PTCH2: variants seen among roughly 807,000 people sequenced by gnomAD.
PTCH2 encodes the protein patched 2, also known as protein patched homolog 2.
In PTCH2, 96 loss-of-function variants were observed where a neutral mutation model predicts 117.9. The ratio of observed to expected loss-of-function variants is 0.81; its 90% confidence interval spans 0.69 to 0.96. The LOEUF is 0.96. Ranked by LOEUF, PTCH2 falls within the 50% of genes least tolerant of loss-of-function variation. PTCH2 has a pLI of 0.00. For missense variants in PTCH2, 1,379 were observed against 1,562.5 expected, an observed-to-expected ratio of 0.88 and a Z score of 1.98; for synonymous variants, 615 against 660.9, an observed-to-expected ratio of 0.93 and a Z score of 1.06.
chr1:44,820,523 A>G (rs1652869877), downstream of PTCH2: 1 of 679,958 alleles, frequency 1.5e-6, no homozygotes. Context: ...ATCCGATCCA[A>G]TTCACCTCGA....
rs201324841 is a variant in PTCH2 at position 44,826,645 on chromosome 1, G to C, written c.2819C>G (p.Ala940Gly). The change falls in exon 18 of 22, where the codon GCT becomes GGT. Residue 940 changes from alanine (A) to glycine (G), a missense_variant. Physicochemically the swap from Ala to Gly is moderately conservative, Grantham distance 60. Coordinates refer to ENST00000372192, the MANE Select transcript of PTCH2 (RefSeq NM_003738.5). The surrounding 1 kb of genome is among the most constrained non-coding windows in gnomAD (Gnocchi z 5.1). ...ARAACAEAGQ[A>G]GVHAYPSGSP... ...GCCGCTGGGGTAGGCGTGCACCCCA[G>C]CCTGGCCGGCCTCTGCGCATGCTGC... 1 of 1,612,190 alleles carries C rather than the reference G, an allele frequency of 6.2e-7. No homozygotes were observed. Among genetic ancestry groups the C allele is most frequent in the African/African-American group, 1.3e-5 (1 of 74,926 alleles).
rs1256031023 is a variant in PTCH2 at position 44,822,654 on chromosome 1, T to C, written c.3373A>G (p.Lys1125Glu). ...GPPPEVIQMYKESPEILSPPA... is the reference protein window; with the variant it reads ...GPPPEVIQMYEESPEILSPPA... ...GGACTCAGGATCTCTGGGCTTTCCT[T>C]GTACATCTGTATCACCTGTGGGGAG... The change falls in exon 22 of 22, where the codon AAG becomes GAG. Residue 1125 changes from lysine (K) to glutamate (E), a missense_variant. Lys to Glu is a moderately conservative substitution (Grantham distance 56, BLOSUM62 1). Coordinates refer to ENST00000372192, the MANE Select transcript of PTCH2 (RefSeq NM_003738.5). 4 of 1,613,822 alleles carry C rather than the reference T, an allele frequency of 2.5e-6. No individual in the cohort carries two copies. The highest frequency in any genetic ancestry group is 3.4e-6 in the Non-Finnish European group (4 of 1,179,862).
At position 44,841,932 on chromosome 1, in the gene PTCH2, A is replaced by C. The variant is rs200037326; in HGVS notation, c.180T>G (p.Phe60Leu). 6.2e-7 allele frequency: 1 copy of C among 1,614,248 alleles called. No homozygotes were observed. The highest frequency in any genetic ancestry group is 2.2e-5 in the East Asian group (1 of 44,890). The stretch of plus-strand genomic sequence containing the variant: ...GGGCCCCAAAGGCCAACAGTCCCAG[A>C]AAGAGCACTTTGCCACAATGTCTCT... The part of the protein sequence containing the change: ...GIQRHCGKVL[F>L]LGLLAFGALA... Residue 60 changes from phenylalanine to leucine, a missense_variant, in exon 2 of 22, where the codon TTT becomes TTG. Physicochemically the swap from Phe to Leu is conservative, Grantham distance 22. Coordinates refer to ENST00000372192, the MANE Select transcript of PTCH2 (RefSeq NM_003738.5).
chr1:44,822,582 GGGA>G lies in PTCH2; in HGVS notation c.3442_3444del (p.Ser1148del). 1.2e-6 allele frequency: 2 copies of G among 1,614,076 alleles called. No individual in the cohort carries two copies. Among genetic ancestry groups the G allele is most frequent in the African/African-American group, 2.7e-5 (2 of 75,034 alleles). Reference sequence around the variant, plus strand: ...GTCACTCTGGCAAAGCTCTGGGGCAGGGAGGAGGATGCCCCCCACCTAAGCCCG... The same window carrying G: ...GTCACTCTGGCAAAGCTCTGGGGCAGGGAGGATGCCCCCCACCTAAGCCCG... On this transcript the variant is annotated inframe_deletion, in exon 22 of 22. Coordinates refer to ENST00000372192, the MANE Select transcript of PTCH2 (RefSeq NM_003738.5).
In PTCH2 at chr1:44,827,312, G is replaced by A. The variant is rs1419396660; in HGVS notation, c.2372-3C>T. Reference sequence around the variant, plus strand: ...CTGGTCAAAGGCAGCCTGGATTCCTGGGGGAGACCAGGATAGGGTTCTATT... The same window carrying A: ...CTGGTCAAAGGCAGCCTGGATTCCTAGGGGAGACCAGGATAGGGTTCTATT... On this transcript the variant is annotated splice_region_variant and splice_polypyrimidine_tract_variant and intron_variant, in intron 15 of 21. Transcript: ENST00000372192. The A allele has an allele frequency of 1.2e-6, 2 of 1,613,654 alleles. No homozygotes were observed. The highest frequency in any genetic ancestry group is 1.7e-5 in the Admixed American group (1 of 60,006).
At chr1:44,841,140 G>T (rs1653928279) in intron 2 of PTCH2, among the ~76,000 whole-genome samples, 1 of 151,938 alleles carries the variant, frequency 6.6e-6, no homozygotes, top group East Asian at 1.9e-4. Context: ...CTGCACTCCA[G>T]CCTGGGTGAC....
rs537880599 is a variant in PTCH2, at chr1:44,824,489, G to A, written c.3115-1104C>T. 2.1e-4 allele frequency among the ~76,000 whole-genome samples: 25 copies of A among 116,636 alleles called. No homozygotes were observed. The South Asian group carries it at 5.3e-3, about 25-fold the overall frequency. 76.5% of individuals were successfully genotyped at this position (116,636 alleles called of 152,430 possible). The stretch of plus-strand genomic sequence containing the variant: ...TCCATTAAGCCCACATTGCCATCCC[G>A]CTACCATCCCATTTTTTTTTTTTTT... On this transcript the variant is annotated intron_variant, in intron 19 of 21. Coordinates refer to ENST00000372192, the MANE Select transcript of PTCH2 (RefSeq NM_003738.5).
Position 44,842,877 on chromosome 1 carries a change from C to G in PTCH2, c.56G>C (p.Arg19Pro). The G allele has an allele frequency of 6.4e-7, 1 of 1,550,836 alleles. No homozygotes were observed. ...ELPPSYTPPA[R>P]TAAPQILAGS... The stretch of plus-strand genomic sequence containing the variant: ...TCTACTCACCTGGGGTGCTGCGGTT[C>G]GAGCTGGGGGTGTGTAACTCGGGGG... The change falls in exon 1 of 22, where the codon CGA (arginine) becomes CCA (proline). Residue 19 changes from arginine (R) to proline (P), a missense_variant. By Grantham distance (103) the Arg-to-Pro change is moderately radical. Coordinates refer to ENST00000372192, the MANE Select transcript of PTCH2 (RefSeq NM_003738.5).
chr1:44,833,592 A>G (rs1478261547), intron 2 of PTCH2, among the ~76,000 whole-genome samples: 1 of 150,700 alleles, frequency 6.6e-6, no homozygotes, highest in Non-Finnish European at 1.5e-5. Flanking sequence ...ACCCGCCACC[A>G]GGCCTGGCTA....
chr1:44,823,009 C>G lies in PTCH2; in HGVS notation c.3357+60G>C. 3.9e-6 allele frequency: 6 copies of G among 1,553,910 alleles called. No homozygotes were observed. Among genetic ancestry groups the G allele is most frequent in the Non-Finnish European group, 5.3e-6 (6 of 1,139,850 alleles). On this transcript the variant is annotated intron_variant, in intron 21 of 21. Coordinates refer to ENST00000372192, the MANE Select transcript of PTCH2 (RefSeq NM_003738.5). The surrounding 1 kb of genome is among the most constrained non-coding windows in gnomAD (Gnocchi z 5.1). ...CCACAGGGCTCTGTCCCTTCCCTTG[C>G]CTCTCCCTACCCCGTCCCTTGGGCT...
rs760548568 is a variant in PTCH2, at chr1:44,827,883, C to A, written c.2018G>T (p.Arg673Leu). 6.0e-5 allele frequency: 97 copies of A among 1,614,032 alleles called. No individual in the cohort carries two copies. The East Asian group carries it at 1.7e-3, about 29-fold the overall frequency. ...GAGCAGCAACGGGGCAAACTGATAG[C>A]GGGCGAAATGGGCAAGATTCCAGCG... ...CARWNLAHFARYQFAPLLLQS... is the reference protein window; with the variant it reads ...CARWNLAHFALYQFAPLLLQS... The change falls in exon 14 of 22, where the codon CGC becomes CTC. Residue 673 changes from arginine (R) to leucine (L), a missense_variant. Transcript: ENST00000372192.
At chr1:44,833,007 G>T (rs1212820972) in intron 2 of PTCH2, among the ~76,000 whole-genome samples, 2 of 152,168 alleles carry the variant, frequency 1.3e-5, no homozygotes, top group African/African-American at 4.8e-5. Context: ...AAAGTGCATG[G>T]AATCAGCTCA....
In PTCH2 at chr1:44,826,271, C is replaced by T; in HGVS notation, c.3093G>A (p.Glu1031=). ...TCACCAGAGCCACGTGGACTGTGAA[C>T]TCAACGCCAATGCCTACAGAGGCCA... ...ILVASVGIGV[E]FTVHVALGFL... Residue 1031 remains glutamate (E), a synonymous_variant, in exon 19 of 22, where the codon GAG becomes GAA. Transcript: ENST00000372192. This position sits in a 1 kb window ranked among gnomAD's most constrained non-coding sequence, Gnocchi z 5.1. The T allele has an allele frequency of 1.2e-6, 2 of 1,614,106 alleles. No individual in the cohort carries two copies. The highest frequency in any genetic ancestry group is 1.1e-5 in the South Asian group (1 of 91,088).
chr1:44,823,173 G>GTACTA lies in PTCH2; in HGVS notation c.3258-6_3258-5insTAGTA, dbSNP rs778600267. 6 of 1,614,028 alleles carry GTACTA rather than the reference G, an allele frequency of 3.7e-6. No homozygotes were observed. On this transcript the variant is annotated splice_polypyrimidine_tract_variant and splice_region_variant and intron_variant, in intron 20 of 21. Coordinates refer to ENST00000372192, the MANE Select transcript of PTCH2 (RefSeq NM_003738.5). The surrounding 1 kb of genome is among the most constrained non-coding windows in gnomAD (Gnocchi z 5.1). ...GTCAGCGCCGCAAAGAAGTACCTAGGGGTAGGGTGTGGGGGGAGTCAGCCC... is the reference window on the plus strand; with the variant it reads ...GTCAGCGCCGCAAAGAAGTACCTAGGTACTAGGTAGGGTGTGGGGGGAGTCAGCCC...
At chr1:44,842,729 G>C in intron 1 of PTCH2, 132 bp downstream of exon 1, 1 of 873,348 alleles carries the variant, frequency 1.1e-6, no homozygotes, top group Non-Finnish European at 1.8e-6. Context: ...CAACTTGCTT[G>C]CGGTGCTGGC....
In PTCH2 at chr1:44,828,613, GAC is replaced by G; in HGVS notation, c.1481_1482del (p.Cys494SerfsTer69). The G allele has an allele frequency of 6.2e-7, 1 of 1,613,246 alleles. No homozygotes were observed. The highest frequency in any genetic ancestry group is 1.7e-5 in the Admixed American group (1 of 59,920). On this transcript the variant is annotated frameshift_variant, in exon 12 of 22. Transcript: ENST00000372192. LOFTEE classifies it high-confidence loss of function. ...GTPLQERMGE[C>X]LQRTGTSVVL... ...ACGACACTGGTGCCCGTGCGCTGCA[GAC>G]ACTCGCCCATGCGCTCCTGCCAGGA...
chr1:44,823,090 G>T lies in PTCH2; in HGVS notation c.3336C>A (p.Ser1112=). The change falls in exon 21 of 22, where the codon TCC becomes TCA. Residue 1112 remains serine, a synonymous_variant. Transcript: ENST00000372192. The surrounding 1 kb of genome is among the most constrained non-coding windows in gnomAD (Gnocchi z 5.1). ...TCACCTCTGGCGGCGGGCCCAGGAT[G>T]GACAGCAGCACAGGCAGCAGCACGA... The part of the protein sequence containing the change: ...HGLVLLPVLL[S]ILGPPPEVIQ... 6.2e-7 allele frequency: 1 copy of T among 1,613,678 alleles called. No homozygotes were observed. Among genetic ancestry groups the T allele is most frequent in the East Asian group, 2.2e-5 (1 of 44,868 alleles).
In PTCH2 at chr1:44,823,936, TCAAACAAACAAA is replaced by T. The variant is rs35297741; in HGVS notation, c.3115-563_3115-552del. Among the ~76,000 whole-genome samples, 6 of 151,344 alleles carry T rather than the reference TCAAACAAACAAA, an allele frequency of 4.0e-5. No homozygotes were observed. Among genetic ancestry groups the T allele is most frequent in the South Asian group, 2.1e-4 (1 of 4,796 alleles). ...CTGGGCGACAGAGTGAGACCCTGTTTCAAACAAACAAACAAACAAACAAACAAACATAGGTTG... is the reference window on the plus strand; with the variant it reads ...CTGGGCGACAGAGTGAGACCCTGTTTCAAACAAACAAACAAACATAGGTTG... On this transcript the variant is annotated intron_variant, in intron 19 of 21. Coordinates refer to ENST00000372192, the MANE Select transcript of PTCH2 (RefSeq NM_003738.5). The surrounding 1 kb of genome is among the most constrained non-coding windows in gnomAD (Gnocchi z 5.1).
downstream of PTCH2, among the ~76,000 whole-genome samples, chr1:44,821,384 C>T (rs1156940352): frequency 6.6e-6 from 1 of 152,248 alleles, no homozygotes; most frequent in African/African-American, 2.4e-5. Flanking sequence ...AGACACCTCT[C>T]GGCTGTCAGG....
Sources: gnomAD v4.1 joint callset for allele counts (sites outside exome capture counted in the v4.1 genomes callset) on GRCh38, gnomAD v4.1.1 for gene constraint, Gnocchi (gnomAD v3.1) non-coding constraint, MANE v1.5 for transcripts, NCBI Gene and HGNC (gene_info 2026-07-23, HGNC 2026-07-21) for gene names.